Variants in NAALADL2 observed in about 807,000 individuals in gnomAD.
The protein encoded by NAALADL2 is N-acetylated alpha-linked acidic dipeptidase like 2.
NAALADL2 carries 76 observed loss-of-function variants against 87.2 expected under a neutral mutation model. The observed-to-expected ratio is 0.87, with a 90% CI of 0.72 to 1.05. NAALADL2 has a LOEUF of 1.05. Among genes scored for constraint, NAALADL2 ranks in the 50% least tolerant of loss-of-function variants. The probability of loss-of-function intolerance (pLI) is 0.00; values close to 1 mark genes in which losing one functional copy is unlikely to be tolerated. For synonymous variants in NAALADL2, 354 were observed against 331.0 expected (o/e 1.07, Z -0.75); for missense variants, 1,089 against 945.8 (o/e 1.15, Z -1.99).
intron 4 of NAALADL2, among the ~76,000 whole-genome samples, chr3:175,319,452 C>CTA (rs1560350658): frequency 6.6e-6 from 1 of 152,088 alleles, no homozygotes. Context: ...TAAAATCATG[C>CTA]TATATATGCA....
chr3:174,882,437 G>GTA (rs1252069652), intron 1 of NAALADL2, among the ~76,000 whole-genome samples: 1 of 144,324 alleles, frequency 6.9e-6, no homozygotes, highest in Non-Finnish European at 1.5e-5. Context: ...GTGTGTGTGT[G>GTA]TATATATGTG....
In NAALADL2 at chr3:175,294,573, G is replaced by T. The variant is rs148288850; in HGVS notation, c.940-29602G>T. On this transcript the variant is annotated intron_variant, in intron 4 of 13. Transcript: ENST00000454872. ...ATTGCTTTGAGAAGTTTTGCAACTT[G>T]CCCAAGATCACGTAGCTTGGAGGTT... Among the ~76,000 whole-genome samples, 10 of 152,268 alleles carry T rather than the reference G, an allele frequency of 6.6e-5. No individual in the cohort carries two copies. In the East Asian group the frequency reaches 1.9e-3, roughly 29 times the overall value.
chr3:174,696,192 C>T (rs1419654920), intron 2 of NAALADL2, among the ~76,000 whole-genome samples: 2 of 151,846 alleles, frequency 1.3e-5, no homozygotes, highest in Admixed American at 1.3e-4. Flanking sequence ...GGCTTTAGTA[C>T]AAAATAATAT....
intron 9 of NAALADL2, among the ~76,000 whole-genome samples, chr3:175,563,383 C>T (rs573888652): frequency 1.3e-5 from 2 of 151,924 alleles, no homozygotes; most frequent in South Asian, 2.1e-4. Flanking sequence ...GCAGGTTTTG[C>T]CCAGCAAGAA....
At chr3:175,398,855 A>G (rs1770180769) in intron 5 of NAALADL2, among the ~76,000 whole-genome samples, 1 of 152,022 alleles carries the variant, frequency 6.6e-6, no homozygotes, top group African/African-American at 2.4e-5. Flanking sequence ...CCCGATCCAG[A>G]CCCCAAGAGA....
At chr3:174,921,245 A>T (rs1160796398) in intron 1 of NAALADL2, among the ~76,000 whole-genome samples, 2 of 152,242 alleles carry the variant, frequency 1.3e-5, no homozygotes, top group Non-Finnish European at 2.9e-5. Flanking sequence ...AGTGAAGTTC[A>T]ATAAAATGAG....
chr3:174,809,435 T>C (rs1719900669), intron 3 of NAALADL2, among the ~76,000 whole-genome samples: 1 of 152,180 alleles, frequency 6.6e-6, no homozygotes, highest in African/African-American at 2.4e-5. Context: ...CATATCAATA[T>C]GTTCGGATTT....
At chr3:174,863,550 G>A (rs1212093200) in intron 1 of NAALADL2, among the ~76,000 whole-genome samples, 1 of 150,878 alleles carries the variant, frequency 6.6e-6, no homozygotes, top group African/African-American at 2.4e-5. Context: ...TTTAGAAATG[G>A]CACTAATTCT....
rs556782018 is a variant in NAALADL2 at position 175,624,903 on chromosome 3, A to G, written c.1801-2388A>G. On this transcript the variant is annotated intron_variant, in intron 10 of 13. Transcript: ENST00000454872. ...AGCAAAATGTTTAGGAAGCACAGAC[A>G]CATGTATGTACACACTGACACACAG... Among the ~76,000 whole-genome samples the G allele has an allele frequency of 7.4e-4, 113 of 152,176 alleles. 1 individual carries two copies. The highest frequency in any genetic ancestry group is 6.9e-3 in the Admixed American group (105 of 15,270).
At chr3:175,007,994 G>C (rs964378457) in intron 1 of NAALADL2, among the ~76,000 whole-genome samples, 2 of 152,014 alleles carry the variant, frequency 1.3e-5, no homozygotes, top group African/African-American at 4.8e-5. Flanking sequence ...AGATACATTG[G>C]GCAAAGAGAT....
chr3:174,512,298 A>T (rs1719652736), intron 1 of NAALADL2, among the ~76,000 whole-genome samples: 1 of 152,040 alleles, frequency 6.6e-6, no homozygotes. Flanking sequence ...ATAGTTTCTG[A>T]TGAAAAGTTG....
At chr3:175,415,195 T>G (rs1714367080) in intron 5 of NAALADL2, among the ~76,000 whole-genome samples, 1 of 152,220 alleles carries the variant, frequency 6.6e-6, no homozygotes, top group Admixed American at 6.5e-5. Context: ...TGAAATTTAT[T>G]TGGTTGGTGC....
At chr3:175,685,553 A>G (rs1158406870) in intron 11 of NAALADL2, among the ~76,000 whole-genome samples, 2 of 151,816 alleles carry the variant, frequency 1.3e-5, no homozygotes, top group East Asian at 3.9e-4. Context: ...GATTTATTAC[A>G]AGGAATTGGC....
chr3:175,348,788 C>T (rs1361479415), intron 5 of NAALADL2, among the ~76,000 whole-genome samples: 2 of 152,136 alleles, frequency 1.3e-5, no homozygotes, highest in Non-Finnish European at 2.9e-5. Context: ...CTTAAGAGGG[C>T]CACATTCACA....
chr3:175,137,477 AT>A (rs1293867059), intron 2 of NAALADL2, among the ~76,000 whole-genome samples: 1 of 152,056 alleles, frequency 6.6e-6, no homozygotes, highest in Non-Finnish European at 1.5e-5. Context: ...GTGCATGCAA[AT>A]TATCACCACT....
chr3:175,050,586 C>G (rs770900845), intron 1 of NAALADL2, among the ~76,000 whole-genome samples: 20 of 152,082 alleles, frequency 1.3e-4, no homozygotes, highest in Admixed American at 5.9e-4. Context: ...TTGTTTTTAT[C>G]AATTCACTCA....
intron 2 of NAALADL2, among the ~76,000 whole-genome samples, chr3:175,142,567 C>A (rs1341213777): frequency 6.6e-6 from 1 of 151,964 alleles, no homozygotes; most frequent in Non-Finnish European, 1.5e-5. Flanking sequence ...GAATCTGCAT[C>A]TACAGCCCAT....
chr3:175,503,326 C>G (rs889664962), intron 9 of NAALADL2, among the ~76,000 whole-genome samples: 3 of 152,138 alleles, frequency 2.0e-5, no homozygotes, highest in East Asian at 3.9e-4. Context: ...ATCCAGTCTA[C>G]CACCGATGGG....
intron 5 of NAALADL2, among the ~76,000 whole-genome samples, chr3:175,370,193 T>G (rs1458424153): frequency 2.0e-5 from 3 of 152,194 alleles, no homozygotes; most frequent in East Asian, 1.9e-4. Context: ...TATGACTCTA[T>G]GCATTTCTCT....
Sources: allele counts gnomAD v4.1 joint callset (sites outside exome capture counted in the v4.1 genomes callset), GRCh38; gene constraint gnomAD v4.1.1; transcripts MANE v1.5; gene names NCBI Gene and HGNC (gene_info 2026-07-23, HGNC 2026-07-21).